AKR1C2: variants seen among roughly 807,000 people sequenced by gnomAD.
The protein encoded by AKR1C2 is 3-alpha-HSD3.
In AKR1C2, 27 loss-of-function variants were observed where a neutral mutation model predicts 39.8. The ratio of observed to expected loss-of-function variants is 0.68; its 90% CI spans 0.50 to 0.93. AKR1C2 has a LOEUF of 0.93. Ranked by LOEUF, AKR1C2 falls within the 40% of genes least tolerant of loss-of-function variation. The pLI is 0.00. For synonymous variants in AKR1C2, 114 were observed against 137.9 expected (o/e 0.83, Z 1.22); for missense variants, 263 against 365.1 (o/e 0.72, Z 2.28).
chr10:5,000,415 A>T (rs781847585), intron 3 of AKR1C2, 135 bp downstream of exon 3: 1 of 1,577,150 alleles, frequency 6.3e-7, no homozygotes, highest in African/African-American at 1.4e-5. Flanking sequence ...AGGAATTAGG[A>T]GTTATGTTTA....
At position 5,001,576 on chromosome 10, in the gene AKR1C2, C is replaced by T. The variant is rs782808484; in HGVS notation, c.190G>A (p.Ala64Thr). 1 of 1,613,982 alleles carries T rather than the reference C, an allele frequency of 6.2e-7. No individual in the cohort carries two copies. Among genetic ancestry groups the T allele is most frequent in the South Asian group, 1.1e-5 (1 of 91,048 alleles). Reference protein sequence around the residue: ...VYNNEEQVGLAIRSKIADGSV... With the variant: ...VYNNEEQVGLTIRSKIADGSV... ...CCATCTGCAATCTTGCTTCGGATGG[C>T]CAGTCCAACCTGCTCCTCATTATTG... Residue 64 changes from alanine (A) to threonine (T), a missense_variant, in exon 2 of 9, where the codon GCC (alanine) becomes ACC (threonine). Transcript: ENST00000380753.
intron 3 of AKR1C2, 127 bp downstream of exon 3, chr10:5,000,423 T>C (rs782608744): frequency 1.9e-6 from 3 of 1,585,418 alleles, no homozygotes; most frequent in Admixed American, 3.7e-5. Context: ...GGAGTTATGT[T>C]TAGGGCTCTT....
intron 7 of AKR1C2, among the ~76,000 whole-genome samples, chr10:4,994,269 C>CAATT (rs10643636): frequency 0.98 from 149,240 of 152,004 alleles, 73,303 homozygotes; most frequent in East Asian, 1. Context: ...AATAATATAT[C>CAATT]TATATATATT....
At chr10:5,008,970 G>A (rs140615335), upstream of AKR1C2, among the ~76,000 whole-genome samples, 532 of 152,286 alleles carry the variant, frequency 3.5e-3, 2 homozygotes, top group African/African-American at 0.012. Context: ...AGGTTTGTGG[G>A]TGAAGTCATG....
upstream of AKR1C2, among the ~76,000 whole-genome samples, chr10:5,005,464 C>T (rs117642803): frequency 4.8e-3 from 724 of 152,120 alleles, 23 homozygotes; most frequent in East Asian, 0.081. Context: ...GAGCAGATCA[C>T]GAGGTTAGGA....
At chr10:5,012,016 G>A (rs1937855) in intron 1 of AKR1C2, among the ~76,000 whole-genome samples, 52,557 of 151,588 alleles carry the variant, frequency 0.35, 10,629 homozygotes, top group East Asian at 0.59. Context: ...GGAGTTCTCT[G>A]CATGTACAGC....
intron 8 of AKR1C2, among the ~76,000 whole-genome samples, chr10:4,990,673 T>C (rs1235662739): frequency 2.6e-5 from 4 of 151,742 alleles, no homozygotes; most frequent in Admixed American, 6.6e-5. Flanking sequence ...ACATATACAG[T>C]TATAACTTGT....
upstream of AKR1C2, chr10:5,003,971 C>T: frequency 1.6e-6 from 1 of 623,770 alleles, no homozygotes; most frequent in Non-Finnish European, 2.9e-6. Flanking sequence ...GGCAGTCTTA[C>T]ACAAGCTGTG....
intron 5 of AKR1C2, among the ~76,000 whole-genome samples, chr10:4,996,807 T>G (rs766354660): frequency 1.3e-5 from 2 of 151,960 alleles, no homozygotes; most frequent in African/African-American, 4.8e-5. Flanking sequence ...TTATTTTTAA[T>G]TAAATGTCAG....
rs782388971 is a variant in AKR1C2, at chr10:5,003,744, A to C, written c.84+8T>G. ...TTGAACTCTCAACACTAAAAATATT[A>C]TTGTTACCTCTGCAGGCGCATAGGT... On this transcript the variant is annotated splice_region_variant and intron_variant, in intron 1 of 8. Transcript: ENST00000380753. 6.2e-6 allele frequency: 10 copies of C among 1,612,192 alleles called. No individual in the cohort carries two copies. The highest frequency in any genetic ancestry group is 7.6e-6 in the Non-Finnish European group (9 of 1,178,624).
intron 7 of AKR1C2, among the ~76,000 whole-genome samples, chr10:4,994,887 C>T (rs1836976960): frequency 7.4e-6 from 1 of 134,728 alleles, no homozygotes; most frequent in Non-Finnish European, 1.6e-5. Flanking sequence ...ACACAACCAC[C>T]TCGCCAAAAA....
chr10:4,994,053 TC>T, intron 7 of AKR1C2, among the ~76,000 whole-genome samples: 1 of 151,822 alleles, frequency 6.6e-6, no homozygotes, highest in South Asian at 2.1e-4. Flanking sequence ...CCTATGGATT[TC>T]TTCACTTATT....
Position 4,990,040 on chromosome 10 carries a change from T to C in AKR1C2, c.930-2A>G. The C allele has an allele frequency of 1.9e-6, 3 of 1,595,866 alleles. No homozygotes were observed. The highest frequency in any genetic ancestry group is 2.6e-6 in the Non-Finnish European group (3 of 1,174,686). On this transcript the variant is annotated splice_acceptor_variant, in intron 8 of 8. Coordinates refer to ENST00000380753, the MANE Select transcript of AKR1C2 (RefSeq NM_001393392.1). LOFTEE classifies it high-confidence loss of function. ...GGATAATTAGGGGGGCCAGCAAAAC[T>C]GGAAAGAGAAAAAAAAATGCACACT...
chr10:5,007,576 TC>T (rs1554774553), upstream of AKR1C2: 2 of 149,286 alleles, frequency 1.3e-5, no homozygotes, highest in Admixed American at 6.7e-5. Context: ...TAGCAAAGAA[TC>T]ATAGAAACCC....
chr10:5,008,561 G>A (rs540428083), upstream of AKR1C2, among the ~76,000 whole-genome samples: 7 of 152,250 alleles, frequency 4.6e-5, no homozygotes, highest in East Asian at 1.2e-3. Flanking sequence ...CTGGTGGAAA[G>A]AAACTGATCT....
intron 1 of AKR1C2, among the ~76,000 whole-genome samples, chr10:5,011,329 A>C (rs1166364377): frequency 1.3e-5 from 2 of 152,324 alleles, no homozygotes; most frequent in African/African-American, 4.8e-5. Context: ...TTGGGTAAAT[A>C]CAATGGACAT....
At chr10:5,014,737 T>G (rs1394547901) in intron 1 of AKR1C2, among the ~76,000 whole-genome samples, 2 of 152,222 alleles carry the variant, frequency 1.3e-5, no homozygotes, top group African/African-American at 4.8e-5. Context: ...GCATGGACAA[T>G]GTCTAACAGC....
intron 1 of AKR1C2, among the ~76,000 whole-genome samples, chr10:5,012,782 G>A (rs1225272395): frequency 9.9e-5 from 15 of 152,210 alleles, no homozygotes; most frequent in Non-Finnish European, 1.9e-4. Context: ...GAATTCAAAC[G>A]TGATTCAGCA....
rs1379949634 is a variant in AKR1C2, at chr10:4,998,502, G to A, written c.570+123C>T. The A allele has an allele frequency of 9.8e-6, 15 of 1,523,272 alleles. No homozygotes were observed. In the East Asian group the frequency reaches 3.2e-4, roughly 32 times the overall value. The allele number at this position is 1,523,272 out of a possible 1,614,324, so 94.4% of individuals were successfully genotyped here. On this transcript the variant is annotated intron_variant, in intron 5 of 8. Transcript: ENST00000380753. Reference sequence around the variant, plus strand: ...AGGACTCCATGCCCTTCTAGGAAGAGGCTTTGTTCTCTAGAATCTTCTCTT... The same window carrying A: ...AGGACTCCATGCCCTTCTAGGAAGAAGCTTTGTTCTCTAGAATCTTCTCTT...
Sources: gnomAD v4.1 joint callset for allele counts (sites outside exome capture counted in the v4.1 genomes callset) on GRCh38, gnomAD v4.1.1 for gene constraint, MANE v1.5 for transcripts, NCBI Gene and HGNC (gene_info 2026-07-23, HGNC 2026-07-21) for gene names.